Variants in PRORP observed in about 807,000 individuals in gnomAD.
The protein encoded by PRORP is protein only RNase P catalytic subunit.
Under a neutral mutation model 59.4 loss-of-function variants are expected in PRORP, and 51 were observed. The ratio of observed to expected loss-of-function variants is 0.86; its 90% CI spans 0.69 to 1.08. The LOEUF (loss-of-function observed/expected upper bound fraction) is 1.08, where lower values mean the gene tolerates loss of function less well. PRORP is among the 50% of genes least tolerant of loss of function. The pLI is 0.00. For missense variants in PRORP, 646 were observed against 690.3 expected (o/e 0.94, Z 0.72); for synonymous variants, 231 against 245.6 (o/e 0.94, Z 0.55).
chr14:35,185,261 T>G (rs12586305), intron 5 of PRORP, among the ~76,000 whole-genome samples: 22,060 of 152,218 alleles, frequency 0.14, 1,995 homozygotes, highest in East Asian at 0.36. Flanking sequence ...GATTTGCATT[T>G]CTCTAATGAT....
At chr14:35,170,335 C>CT (rs1257009798) in intron 4 of PRORP, among the ~76,000 whole-genome samples, 1 of 151,938 alleles carries the variant, frequency 6.6e-6, no homozygotes. Context: ...AATTGAATTT[C>CT]TTTTAATTTG....
At chr14:35,128,533 A>G (rs1220454675) in intron 4 of PRORP, among the ~76,000 whole-genome samples, 4 of 151,800 alleles carry the variant, frequency 2.6e-5, no homozygotes, top group Non-Finnish European at 5.9e-5. Context: ...TGGTCTCTTC[A>G]TGTTTTTTAT....
chr14:35,247,946 C>T (rs996231441), intron 5 of PRORP, among the ~76,000 whole-genome samples: 7 of 152,064 alleles, frequency 4.6e-5, no homozygotes, highest in South Asian at 4.1e-4. Flanking sequence ...TCTAGGCCAA[C>T]GATTTAATAG....
At chr14:35,160,441 T>C (rs2138945648) in intron 4 of PRORP, among the ~76,000 whole-genome samples, 1 of 152,352 alleles carries the variant, frequency 6.6e-6, no homozygotes, top group East Asian at 1.9e-4. Flanking sequence ...ATTTCAGGAA[T>C]TTAAATTTTT....
chr14:35,225,208 T>C (rs2049903430), intron 5 of PRORP, among the ~76,000 whole-genome samples: 1 of 152,248 alleles, frequency 6.6e-6, no homozygotes, highest in African/African-American at 2.4e-5. Context: ...GACTTCTGAA[T>C]ACATTTACTG....
intron 5 of PRORP, among the ~76,000 whole-genome samples, chr14:35,247,497 G>A (rs2050514281): frequency 6.6e-6 from 1 of 152,138 alleles, no homozygotes; most frequent in South Asian, 2.1e-4. Context: ...AATTAGTGCA[G>A]CCATGGCCAG....
At chr14:35,190,095 G>A (rs2048845516) in intron 5 of PRORP, among the ~76,000 whole-genome samples, 1 of 145,756 alleles carries the variant, frequency 6.9e-6, no homozygotes, top group East Asian at 2.1e-4. Context: ...GTGACAGAGT[G>A]AGACTCCGTC....
At chr14:35,199,225 C>G (rs2139120979) in intron 5 of PRORP, among the ~76,000 whole-genome samples, 1 of 151,436 alleles carries the variant, frequency 6.6e-6, no homozygotes, top group Non-Finnish European at 1.5e-5. Flanking sequence ...GTCCCAGCTA[C>G]TCGGGAGGCT....
At position 35,123,578 on chromosome 14, in the gene PRORP, T is replaced by C; in HGVS notation, c.333T>C (p.Thr111=). 1 of 1,614,194 alleles carries C rather than the reference T, an allele frequency of 6.2e-7. No homozygotes were observed. The highest frequency in any genetic ancestry group is 1.1e-5 in the South Asian group (1 of 91,088). ...ATGCCTTGGCACCTGTGAGGAACAC[T>C]ATTCAACTCCCAACACAACCTTTGA... ...EDHALAPVRN[T]IQLPTQPLNS... The change falls in exon 2 of 8, where the codon ACT becomes ACC. Residue 111 remains threonine, a synonymous_variant. Coordinates refer to ENST00000534898, the MANE Select transcript of PRORP (RefSeq NM_014672.4).
Position 35,180,717 on chromosome 14 carries a change from T to C in PRORP, c.1215T>C (p.Asp405=). The stretch of plus-strand genomic sequence containing the variant: ...TCATAAAATCTCGTCCTCCTTTTGA[T>C]GTTGTCATTGATGGTCTCAATGTTG... ...ENFIKSRPPF[D]VVIDGLNVAK... Residue 405 remains aspartate, a synonymous_variant, in exon 5 of 8, where the codon GAT becomes GAC. Transcript: ENST00000534898. The C allele has an allele frequency of 2.5e-6, 4 of 1,613,454 alleles. No homozygotes were observed. The highest frequency in any genetic ancestry group is 3.4e-6 in the Non-Finnish European group (4 of 1,179,592).
intron 6 of PRORP, among the ~76,000 whole-genome samples, chr14:35,267,923 G>T (rs571880853): frequency 1.1e-4 from 16 of 152,286 alleles, no homozygotes; most frequent in Non-Finnish European, 2.2e-4. Flanking sequence ...AAACCGCAAT[G>T]CAGAGGACCT....
chr14:35,206,719 G>T (rs2049304486), intron 5 of PRORP, among the ~76,000 whole-genome samples: 2 of 152,186 alleles, frequency 1.3e-5, no homozygotes, highest in African/African-American at 2.4e-5. Context: ...CTATAGGTAA[G>T]ATAGTGAGCC....
chr14:35,225,459 G>T (rs183444283), intron 5 of PRORP, among the ~76,000 whole-genome samples: 8 of 152,020 alleles, frequency 5.3e-5, no homozygotes, highest in Middle Eastern at 3.4e-3. Flanking sequence ...CGATTCTCCT[G>T]CCTCAGCCTC....
At chr14:35,254,378 TTTGC>T (rs1475267587) in intron 5 of PRORP, among the ~76,000 whole-genome samples, 2 of 151,936 alleles carry the variant, frequency 1.3e-5, no homozygotes, top group African/African-American at 4.8e-5. Context: ...TTTTGGTTTG[TTTGC>T]TTGTTTGTTT....
intron 4 of PRORP, among the ~76,000 whole-genome samples, chr14:35,149,684 C>T (rs970523274): frequency 6.6e-6 from 1 of 152,192 alleles, no homozygotes; most frequent in East Asian, 1.9e-4. Context: ...TTTGATGTTT[C>T]ATCCAGACCA....
intron 4 of PRORP, among the ~76,000 whole-genome samples, chr14:35,173,607 C>T (rs2048372022): frequency 6.6e-6 from 1 of 152,104 alleles, no homozygotes; most frequent in Non-Finnish European, 1.5e-5. Flanking sequence ...TTCCTCAAAC[C>T]AGTAAGTTCT....
intron 5 of PRORP, among the ~76,000 whole-genome samples, chr14:35,224,624 C>A (rs1311503708): frequency 6.6e-6 from 1 of 152,084 alleles, no homozygotes; most frequent in Non-Finnish European, 1.5e-5. Flanking sequence ...TCCTAAAGTT[C>A]CAATAGAGAA....
intron 4 of PRORP, 116 bp from the exon 5 acceptor site, chr14:35,180,554 T>TG: frequency 2.0e-6 from 1 of 512,274 alleles, no homozygotes; most frequent in Non-Finnish European, 3.5e-6. Context: ...GTGTGTGTAT[T>TG]TTTAAGGGAT....
intron 4 of PRORP, among the ~76,000 whole-genome samples, chr14:35,155,854 C>T (rs2047901588): frequency 8.0e-6 from 1 of 125,388 alleles, no homozygotes; most frequent in Non-Finnish European, 1.7e-5. Context: ...ATTGTCATGT[C>T]ATTTGCACGT....
Sources: allele counts gnomAD v4.1 joint callset (sites outside exome capture counted in the v4.1 genomes callset), GRCh38; gene constraint gnomAD v4.1.1; transcripts MANE v1.5; gene names NCBI Gene and HGNC (gene_info 2026-07-23, HGNC 2026-07-21).